SLC9A9: variants seen among roughly 807,000 people sequenced by gnomAD.
SLC9A9 encodes solute carrier family 9 member A9.
SLC9A9 carries 62 observed loss-of-function variants against 77.8 expected under a neutral mutation model. The observed-to-expected ratio is 0.80, with a 90% CI of 0.65 to 0.98. The LOEUF (loss-of-function observed/expected upper bound fraction) is 0.98, where lower values mean the gene tolerates loss of function less well. SLC9A9 is among the 50% of genes least tolerant of loss of function. SLC9A9 has a pLI of 0.00. For synonymous variants in SLC9A9, 320 were observed against 283.5 expected (o/e 1.13, Z -1.29); for missense variants, 775 against 774.9 (o/e 1.00, Z 0.00).
At chr3:143,799,558 C>T (rs1280965349) in intron 2 of SLC9A9, among the ~76,000 whole-genome samples, 1 of 152,208 alleles carries the variant, frequency 6.6e-6, no homozygotes, top group Non-Finnish European at 1.5e-5. Flanking sequence ...GAGCTTGCTA[C>T]AAGTGCCGGA....
At chr3:143,387,454 T>C (rs1470224483) in intron 12 of SLC9A9, among the ~76,000 whole-genome samples, 2 of 152,074 alleles carry the variant, frequency 1.3e-5, no homozygotes. Flanking sequence ...TAAGAACCAG[T>C]AAAGAATTAG....
intron 14 of SLC9A9, among the ~76,000 whole-genome samples, chr3:143,304,722 T>C (rs1332890584): frequency 6.6e-6 from 1 of 152,252 alleles, no homozygotes; most frequent in Non-Finnish European, 1.5e-5. Flanking sequence ...AAATGTTCCC[T>C]CAGACATTCA....
intron 12 of SLC9A9, among the ~76,000 whole-genome samples, chr3:143,420,342 C>T (rs993828346): frequency 1.3e-5 from 2 of 152,134 alleles, no homozygotes; most frequent in Non-Finnish European, 2.9e-5. Flanking sequence ...CTGAAGCCAT[C>T]AATATTTATT....
In SLC9A9 at chr3:143,693,302, A is replaced by T. The variant is rs1187697508; in HGVS notation, c.539T>A (p.Ile180Asn). ...TAISCIVIGL[I>N]MYGFVKAMIH... ...CATAGCCTTCACAAAACCATACATAATTAACCTGTTGAAGAGAAAAACATG... is the reference window on the plus strand; with the variant it reads ...CATAGCCTTCACAAAACCATACATATTTAACCTGTTGAAGAGAAAAACATG... Residue 180 changes from isoleucine to asparagine, a missense_variant, in exon 5 of 16, where the codon ATT becomes AAT. Coordinates refer to ENST00000316549, the MANE Select transcript of SLC9A9 (RefSeq NM_173653.4). 1.2e-6 allele frequency: 2 copies of T among 1,611,942 alleles called. No individual in the cohort carries two copies. Among genetic ancestry groups the T allele is most frequent in the East Asian group, 2.2e-5 (1 of 44,850 alleles).
At chr3:143,526,974 C>T (rs749154026) in intron 9 of SLC9A9, among the ~76,000 whole-genome samples, 25 of 152,226 alleles carry the variant, frequency 1.6e-4, no homozygotes, top group Admixed American at 2.6e-4. Flanking sequence ...CGTTTAAAGC[C>T]GATCTGCCCT....
intron 4 of SLC9A9, among the ~76,000 whole-genome samples, chr3:143,715,071 G>A (rs1299944443): frequency 6.6e-6 from 1 of 152,216 alleles, no homozygotes; most frequent in Non-Finnish European, 1.5e-5. Context: ...CTTCCACCAT[G>A]ATTGTGAGGT....
chr3:143,309,576 G>A (rs1054741141), intron 14 of SLC9A9, among the ~76,000 whole-genome samples: 3 of 152,128 alleles, frequency 2.0e-5, no homozygotes, highest in Non-Finnish European at 4.4e-5. Context: ...CTTCCTAGTT[G>A]AGTGTAGGAT....
chr3:143,680,669 G>A (rs1011725027), intron 5 of SLC9A9, among the ~76,000 whole-genome samples: 3 of 152,204 alleles, frequency 2.0e-5, no homozygotes, highest in South Asian at 2.1e-4. Flanking sequence ...ACAAAATTTC[G>A]TTTTTAATTC....
intron 9 of SLC9A9, chr3:143,517,668 G>A (rs547752264): frequency 2.9e-5 from 47 of 1,597,440 alleles, no homozygotes; most frequent in Admixed American, 2.2e-4. Context: ...GCTTTCGCCC[G>A]CCACTTGTAA....
chr3:143,551,295 C>G (rs2036878332), intron 9 of SLC9A9, among the ~76,000 whole-genome samples: 1 of 152,176 alleles, frequency 6.6e-6, no homozygotes, highest in South Asian at 2.1e-4. Flanking sequence ...AACTCCAAGA[C>G]AATACATTCC....
intron 2 of SLC9A9, among the ~76,000 whole-genome samples, chr3:143,798,423 G>A (rs1229679181): frequency 2.6e-5 from 4 of 152,004 alleles, no homozygotes; most frequent in South Asian, 4.2e-4. Flanking sequence ...TTGCGGGGAC[G>A]CCTGCTTTGG....
intron 14 of SLC9A9, among the ~76,000 whole-genome samples, chr3:143,298,619 A>G (rs1274974129): frequency 1.3e-5 from 2 of 152,238 alleles, no homozygotes; most frequent in African/African-American, 4.8e-5. Flanking sequence ...AGGATGCTCA[A>G]GTATAGCTGA....
rs1055055669 is a variant in SLC9A9 at position 143,363,350 on chromosome 3, A to G, written c.1604+134T>C. The stretch of plus-strand genomic sequence containing the variant: ...TTATTTTATGAAATCATTCCTTTTT[A>G]TAAGTTTGGCTGTGAATTCACTTTA... On this transcript the variant is annotated intron_variant, in intron 14 of 15. Transcript: ENST00000316549. 215 of 807,036 alleles carry G rather than the reference A, an allele frequency of 2.7e-4. 2 individuals are homozygous for G. The highest frequency in any genetic ancestry group is 2.4e-4 in the Middle Eastern group (1 of 4,082). 50.0% of individuals were successfully genotyped at this position (807,036 alleles called of 1,614,324 possible).
At chr3:143,819,415 C>T (rs1197830341) in intron 2 of SLC9A9, among the ~76,000 whole-genome samples, 1 of 152,178 alleles carries the variant, frequency 6.6e-6, no homozygotes, top group African/African-American at 2.4e-5. Flanking sequence ...AAACATTTAA[C>T]TTGGCAGCAT....
At chr3:143,480,025 T>C (rs760013851) in intron 11 of SLC9A9, among the ~76,000 whole-genome samples, 1 of 152,236 alleles carries the variant, frequency 6.6e-6, no homozygotes. Context: ...TTTTCAACAC[T>C]GACCATTTAA....
rs773758068 is a variant in SLC9A9 at position 143,266,887 on chromosome 3, C to A, written c.1753G>T (p.Asp585Tyr). 5.6e-6 allele frequency: 9 copies of A among 1,614,078 alleles called. No homozygotes were observed. The highest frequency in any genetic ancestry group is 7.6e-6 in the Non-Finnish European group (9 of 1,179,980). Reference sequence around the variant, plus strand: ...TCCTGGTAATTTATGGCTAGTTCATCCTGGTTTACAATGCATTCCACATCA... The same window carrying A: ...TCCTGGTAATTTATGGCTAGTTCATACTGGTTTACAATGCATTCCACATCA... ...EDDVECIVNQ[D>Y]ELAINYQEQA... is the part of the protein sequence containing the mutation. The change falls in exon 16 of 16, where the codon GAT becomes TAT. Residue 585 changes from aspartate to tyrosine, a missense_variant. Coordinates refer to ENST00000316549, the MANE Select transcript of SLC9A9 (RefSeq NM_173653.4).
In SLC9A9 at chr3:143,797,851, G is replaced by A. The variant is rs2008431321; in HGVS notation, c.379-948C>T. On this transcript the variant is annotated intron_variant, in intron 2 of 15. Transcript: ENST00000316549. Reference sequence around the variant, plus strand: ...ATCTCCCTTCACTGACTCTCTTTTGGGACTCAGCCCACCTGCACCCAGGTG... The same window carrying A: ...ATCTCCCTTCACTGACTCTCTTTTGAGACTCAGCCCACCTGCACCCAGGTG... Among the ~76,000 whole-genome samples, 3 of 151,974 alleles carry A rather than the reference G, an allele frequency of 2.0e-5. No individual in the cohort carries two copies. In the South Asian group the frequency reaches 6.2e-4, roughly 32 times the overall value.
chr3:143,315,740 T>C lies in SLC9A9; in HGVS notation c.1605-46760A>G, dbSNP rs146884191. Among the ~76,000 whole-genome samples the C allele has an allele frequency of 5.8e-3, 890 of 152,338 alleles. 3 individuals carry two copies. The highest frequency in any genetic ancestry group is 0.02 in the African/African-American group (844 of 41,566). ...TAGGTTTTTACATTATCTTCTTTAATTGGAAGAACTCCCACTTGGGCAGAG... is the reference window on the plus strand; with the variant it reads ...TAGGTTTTTACATTATCTTCTTTAACTGGAAGAACTCCCACTTGGGCAGAG... On this transcript the variant is annotated intron_variant, in intron 14 of 15. Transcript: ENST00000316549.
intron 14 of SLC9A9, among the ~76,000 whole-genome samples, chr3:143,282,008 C>T (rs1397354402): frequency 6.6e-6 from 1 of 152,126 alleles, no homozygotes; most frequent in African/African-American, 2.4e-5. Context: ...AAATGCTGTT[C>T]CCTCCATTTG....
Sources: gnomAD v4.1 joint callset for allele counts (sites outside exome capture counted in the v4.1 genomes callset) on GRCh38, gnomAD v4.1.1 for gene constraint, MANE v1.5 for transcripts, NCBI Gene and HGNC (gene_info 2026-07-23, HGNC 2026-07-21) for gene names.